Variants in GJB7 observed in about 807,000 individuals in gnomAD.
GJB7 encodes gap junction protein beta 7.
For missense variants in GJB7, 253 were observed against 256.8 expected (o/e 0.99, Z 0.10); for synonymous variants, 87 against 95.2 (o/e 0.91, Z 0.50).
intron 2 of GJB7, among the ~76,000 whole-genome samples, chr6:87,315,211 T>C (rs774540637): frequency 9.9e-5 from 15 of 152,278 alleles, no homozygotes; most frequent in Admixed American, 7.8e-4. Flanking sequence ...TGATTTCATC[T>C]TCCTAGCATC....
At chr6:87,307,177 T>C (rs1418849343) in intron 2 of GJB7, among the ~76,000 whole-genome samples, 1 of 136,496 alleles carries the variant, frequency 7.3e-6, no homozygotes, top group African/African-American at 2.7e-5. Context: ...AGTATAATAA[T>C]AAAATTTAAA....
chr6:87,299,418 T>A, intron 2 of GJB7: 1 of 478,774 alleles, frequency 2.1e-6, no homozygotes, highest in Admixed American at 2.3e-5. Flanking sequence ...ATTGAGGCTA[T>A]ATTTCTCCAT....
At chr6:87,321,079 C>A (rs1776651059) in intron 2 of GJB7, among the ~76,000 whole-genome samples, 2 of 151,974 alleles carry the variant, frequency 1.3e-5, no homozygotes, top group South Asian at 2.1e-4. Context: ...ATTAGCTAGG[C>A]TTGGTGGCAT....
chr6:87,324,748 T>C (rs944265800), intron 1 of GJB7, among the ~76,000 whole-genome samples: 12 of 152,174 alleles, frequency 7.9e-5, no homozygotes, highest in African/African-American at 2.9e-4. Flanking sequence ...GACTTGGCGA[T>C]GTGGGCTCTT....
intron 2 of GJB7, among the ~76,000 whole-genome samples, chr6:87,286,041 G>C (rs1562207608): frequency 6.6e-6 from 1 of 152,054 alleles, no homozygotes; most frequent in Non-Finnish European, 1.5e-5. Context: ...CACGCCTCCT[G>C]ATTCTTTCAT....
chr6:87,305,216 G>A (rs1358205985), intron 2 of GJB7, among the ~76,000 whole-genome samples: 2 of 152,060 alleles, frequency 1.3e-5, no homozygotes, highest in African/African-American at 4.8e-5. Flanking sequence ...TATTCAATTA[G>A]GAAAAGAGGA....
intron 2 of GJB7, among the ~76,000 whole-genome samples, chr6:87,311,562 A>G (rs413687): frequency 0.61 from 92,578 of 151,936 alleles, 28,523 homozygotes; most frequent in African/African-American, 0.65. Context: ...TAAGGCAGGT[A>G]TTTCAAGGTG....
At chr6:87,324,244 A>G (rs1031996795) in intron 1 of GJB7, among the ~76,000 whole-genome samples, 11 of 152,074 alleles carry the variant, frequency 7.2e-5, no homozygotes, top group African/African-American at 1.7e-4. Context: ...CTCTGATGGT[A>G]GTTTCTTTTG....
rs2985038 is a variant in GJB7 at position 87,326,427 on chromosome 6, T to G, written c.-206+2711A>C. On this transcript the variant is annotated intron_variant, in intron 1 of 2. Coordinates refer to ENST00000525899, the MANE Select transcript of GJB7 (RefSeq NM_198568.3). ...TTAGGGCTATAAATTTCCCTCTACATGCTGCTTTGAATGCATCCCAGAGAT... is the reference window on the plus strand; with the variant it reads ...TTAGGGCTATAAATTTCCCTCTACAGGCTGCTTTGAATGCATCCCAGAGAT... Among the ~76,000 whole-genome samples the G allele has an allele frequency of 4.9e-3, 749 of 151,924 alleles. 8 individuals are homozygous for G. The highest frequency in any genetic ancestry group is 0.017 in the African/African-American group (699 of 41,400).
rs148385063 is a variant in GJB7, at chr6:87,284,874, TACTCC to T, written c.34_38del (p.Gly12LysfsTer2). The T allele has an allele frequency of 1.3e-3, 2,064 of 1,614,060 alleles. 21 individuals carry two copies. In the African/African-American group the frequency reaches 0.024, roughly 19 times the overall value. ...ATCCAGTCCCAGTGGAGTATTTATT[TACTCC>T]ACTCAGGAGATCTCTGAGGAACATC... On this transcript the variant is annotated frameshift_variant, in exon 3 of 3. Transcript: ENST00000525899. LOFTEE classifies it low-confidence loss of function (END_TRUNC).
chr6:87,290,820 C>T (rs983286283), intron 2 of GJB7, among the ~76,000 whole-genome samples: 1 of 152,194 alleles, frequency 6.6e-6, no homozygotes, highest in African/African-American at 2.4e-5. Flanking sequence ...GTAGTTGCGA[C>T]AGAGACAGTA....
At chr6:87,315,440 T>C (rs1776566359) in intron 2 of GJB7, among the ~76,000 whole-genome samples, 1 of 152,092 alleles carries the variant, frequency 6.6e-6, no homozygotes. Flanking sequence ...TTTAACAGGA[T>C]AGAAACCTGG....
chr6:87,312,579 C>T (rs771867935), intron 2 of GJB7, among the ~76,000 whole-genome samples: 6 of 151,162 alleles, frequency 4.0e-5, no homozygotes, highest in Non-Finnish European at 8.8e-5. Flanking sequence ...CCAGTTTATG[C>T]CTTAAGTATG....
At chr6:87,327,360 C>T (rs555598260) in intron 1 of GJB7, among the ~76,000 whole-genome samples, 11 of 152,072 alleles carry the variant, frequency 7.2e-5, no homozygotes, top group African/African-American at 2.4e-4. Context: ...TTCCTAGTCT[C>T]AATGGTCTTT....
At chr6:87,321,160 A>C (rs1395317707) in intron 2 of GJB7, among the ~76,000 whole-genome samples, 2 of 150,848 alleles carry the variant, frequency 1.3e-5, no homozygotes, top group Non-Finnish European at 2.9e-5. Context: ...TGGAGGTTGC[A>C]GTGAGCCGAG....
intron 2 of GJB7, among the ~76,000 whole-genome samples, chr6:87,305,482 C>A (rs1562213228): frequency 6.6e-6 from 1 of 152,048 alleles, no homozygotes; most frequent in Non-Finnish European, 1.5e-5. Context: ...ATGTGAAGGA[C>A]CTCTTCAAGG....
chr6:87,290,144 C>A (rs1582554285), intron 2 of GJB7, among the ~76,000 whole-genome samples: 1 of 152,180 alleles, frequency 6.6e-6, no homozygotes, highest in East Asian at 1.9e-4. Context: ...ATGGTACAAC[C>A]TTCATTTTAG....
At chr6:87,316,644 CT>C (rs532910331) in intron 2 of GJB7, among the ~76,000 whole-genome samples, 7 of 152,340 alleles carry the variant, frequency 4.6e-5, no homozygotes, top group African/African-American at 1.7e-4. Context: ...ATCTTGACTC[CT>C]TTGGCTTTCA....
At chr6:87,289,157 A>C (rs1465565057) in intron 2 of GJB7, among the ~76,000 whole-genome samples, 3 of 152,118 alleles carry the variant, frequency 2.0e-5, no homozygotes, top group Non-Finnish European at 4.4e-5. Context: ...TAGACACTAC[A>C]TCCATTCTGT....
Sources: allele counts gnomAD v4.1 joint callset (sites outside exome capture counted in the v4.1 genomes callset), GRCh38; gene constraint gnomAD v4.1.1; transcripts MANE v1.5; gene names NCBI Gene and HGNC (gene_info 2026-07-23, HGNC 2026-07-21).